PPARG: variants seen among roughly 807,000 people sequenced by gnomAD.
PPARG encodes the protein peroxisome proliferator activated receptor gamma.
A neutral mutation model predicts 39.2 loss-of-function variants in PPARG; 17 were observed. That is an observed-to-expected ratio of 0.43 (90% CI 0.30 to 0.65). PPARG has a LOEUF of 0.65. Ranked by LOEUF, PPARG falls within the 30% of genes least tolerant of loss-of-function variation. The pLI, the probability that PPARG is intolerant of heterozygous loss-of-function variation, is 0.13. For synonymous variants in PPARG, 223 were observed against 215.7 expected, an observed-to-expected ratio of 1.03 and a Z score of -0.30; for missense variants, 406 against 585.9, an observed-to-expected ratio of 0.69 and a Z score of 3.17.
intron 2 of PPARG, among the ~76,000 whole-genome samples, chr3:12,322,401 C>G (rs1027788479): frequency 2.0e-5 from 3 of 152,188 alleles, no homozygotes; most frequent in African/African-American, 7.2e-5. Context: ...GTGACATATT[C>G]CTTGCTCATG....
At chr3:12,394,950 G>A (rs1028092099) in intron 5 of PPARG, among the ~76,000 whole-genome samples, 29 of 152,104 alleles carry the variant, frequency 1.9e-4, no homozygotes, top group Admixed American at 5.9e-4. Flanking sequence ...AAACATGAAC[G>A]TCCCCCAAAG....
At chr3:12,312,997 CA>C (rs1199998180) in intron 2 of PPARG, among the ~76,000 whole-genome samples, 1 of 152,142 alleles carries the variant, frequency 6.6e-6, no homozygotes, top group Non-Finnish European at 1.5e-5. Context: ...CAGGGGCTCC[CA>C]AAGTTTCGGG....
rs149580660 is a variant in PPARG, at chr3:12,314,561, A to G, written c.-9+2108A>G. Among the ~76,000 whole-genome samples, 73 of 152,296 alleles carry G rather than the reference A, an allele frequency of 4.8e-4. 2 individuals are homozygous for G. In the East Asian group the frequency reaches 0.01, roughly 21 times the overall value. On this transcript the variant is annotated intron_variant, in intron 2 of 7. Coordinates refer to ENST00000651735, the MANE Select transcript of PPARG (RefSeq NM_138711.6). ...CAAACATCCTTAATCTCATTTGACT[A>G]TGAGAAAGCTTTAACCTAAATACAA...
At chr3:12,365,678 A>G (rs1483763184) in intron 2 of PPARG, among the ~76,000 whole-genome samples, 1 of 151,722 alleles carries the variant, frequency 6.6e-6, no homozygotes, top group African/African-American at 2.4e-5. Flanking sequence ...CCAGTGTATT[A>G]CCCTGGTTTC....
chr3:12,356,459 T>A (rs556973112), intron 2 of PPARG, among the ~76,000 whole-genome samples: 2 of 152,230 alleles, frequency 1.3e-5, no homozygotes, highest in Non-Finnish European at 2.9e-5. Flanking sequence ...TGAATGGCAC[T>A]TGTGGTTAAC....
chr3:12,291,755 A>T (rs1021286571), intron 1 of PPARG, among the ~76,000 whole-genome samples: 1 of 152,212 alleles, frequency 6.6e-6, no homozygotes, highest in Non-Finnish European at 1.5e-5. Flanking sequence ...CAATAAGTAC[A>T]CATCAATATT....
At chr3:12,325,165 G>C (rs1434428990) in intron 2 of PPARG, among the ~76,000 whole-genome samples, 4 of 151,862 alleles carry the variant, frequency 2.6e-5, no homozygotes, top group Non-Finnish European at 5.9e-5. Context: ...GCTCACACCT[G>C]TAATCCCAAC....
chr3:12,307,433 C>CA (rs1252598486), intron 1 of PPARG, among the ~76,000 whole-genome samples: 2 of 152,248 alleles, frequency 1.3e-5, no homozygotes, highest in Admixed American at 1.3e-4. Flanking sequence ...TTTGACAGTA[C>CA]AATAATCCCT....
chr3:12,325,595 T>C (rs1296927833), intron 2 of PPARG, among the ~76,000 whole-genome samples: 4 of 151,276 alleles, frequency 2.6e-5, no homozygotes, highest in Non-Finnish European at 5.9e-5. Context: ...AGCAAGACTC[T>C]GTCTCAAAAA....
intron 6 of PPARG, among the ~76,000 whole-genome samples, chr3:12,411,093 C>T (rs1410372402): frequency 6.6e-6 from 1 of 152,120 alleles, no homozygotes; most frequent in Non-Finnish European, 1.5e-5. Context: ...CTTCTATTGC[C>T]AGGACTGTCA....
intron 2 of PPARG, among the ~76,000 whole-genome samples, chr3:12,316,195 A>C (rs2047382946): frequency 6.6e-6 from 1 of 152,230 alleles, no homozygotes; most frequent in Non-Finnish European, 1.5e-5. Context: ...GCAGGTACGT[A>C]CTTTGGCGTC....
intron 2 of PPARG, among the ~76,000 whole-genome samples, chr3:12,341,919 C>A (rs1021324900): frequency 6.6e-6 from 1 of 152,164 alleles, no homozygotes; most frequent in Non-Finnish European, 1.5e-5. Context: ...AAGTTTGTTA[C>A]ACCTTTAGGT....
chr3:12,312,922 A>G lies in PPARG; in HGVS notation c.-9+469A>G, dbSNP rs148131430. Among the ~76,000 whole-genome samples, 3 of 152,292 alleles carry G rather than the reference A, an allele frequency of 2.0e-5. No individual in the cohort carries two copies. In the East Asian group the frequency reaches 5.8e-4, roughly 29 times the overall value. On this transcript the variant is annotated intron_variant, in intron 2 of 7. Coordinates refer to ENST00000651735, the MANE Select transcript of PPARG (RefSeq NM_138711.6). ...TTCTAGGAGGAAGAATTGCTAAGTT[A>G]TACCCGGCATTAAAACTACTTCCTT...
At chr3:12,340,910 C>T (rs760804729) in intron 2 of PPARG, among the ~76,000 whole-genome samples, 7 of 152,122 alleles carry the variant, frequency 4.6e-5, no homozygotes, top group African/African-American at 1.2e-4. Flanking sequence ...GATGGCTGGG[C>T]GTGGTGGCTC....
chr3:12,324,633 C>G (rs1236617527), intron 2 of PPARG, among the ~76,000 whole-genome samples: 1 of 152,086 alleles, frequency 6.6e-6, no homozygotes, highest in African/African-American at 2.4e-5. Context: ...GCTTAACTTT[C>G]TAAGCATTCT....
chr3:12,395,758 A>G (rs1305478640), intron 5 of PPARG, among the ~76,000 whole-genome samples: 1 of 152,212 alleles, frequency 6.6e-6, no homozygotes, highest in Non-Finnish European at 1.5e-5. Flanking sequence ...CCATGGGTTA[A>G]TTCCACCGAT....
chr3:12,303,252 A>G (rs2046974489), intron 1 of PPARG, among the ~76,000 whole-genome samples: 1 of 151,748 alleles, frequency 6.6e-6, no homozygotes, highest in South Asian at 2.1e-4. Context: ...GCTAGAGTGC[A>G]GTGGCACGAT....
At chr3:12,338,999 A>G (rs1484636009) in intron 2 of PPARG, among the ~76,000 whole-genome samples, 1 of 152,250 alleles carries the variant, frequency 6.6e-6, no homozygotes, top group African/African-American at 2.4e-5. Context: ...AAACAGAGTT[A>G]AAAACTTTTC....
chr3:12,389,079 A>G (rs973163956), intron 4 of PPARG, among the ~76,000 whole-genome samples: 2 of 152,182 alleles, frequency 1.3e-5, no homozygotes, highest in African/African-American at 4.8e-5. Context: ...AATATTAAAG[A>G]GGTATGTCTT....
Sources: allele counts gnomAD v4.1 joint callset (sites outside exome capture counted in the v4.1 genomes callset), GRCh38; gene constraint gnomAD v4.1.1; transcripts MANE v1.5; gene names NCBI Gene and HGNC (gene_info 2026-07-23, HGNC 2026-07-21).